PIK3C2A: variants seen among roughly 807,000 people sequenced by gnomAD.
PIK3C2A encodes the protein phosphatidylinositol 4-phosphate 3-kinase C2 domain-containing subunit alpha.
PIK3C2A carries 97 observed loss-of-function variants against 204.5 expected under a neutral mutation model. That is an observed-to-expected ratio of 0.47 (90% CI 0.40 to 0.56). PIK3C2A has a LOEUF of 0.56. Among genes scored for constraint, PIK3C2A ranks in the 20% least tolerant of loss-of-function variants. The pLI, the probability that PIK3C2A is intolerant of heterozygous loss-of-function variation, is 0.00. For synonymous variants in PIK3C2A, 653 were observed against 664.4 expected (o/e 0.98, Z 0.26); for missense variants, 1,735 against 1,969.2 (o/e 0.88, Z 2.25).
At chr11:17,179,343 A>G (rs892528424) in intron 1 of PIK3C2A, among the ~76,000 whole-genome samples, 1 of 151,440 alleles carries the variant, frequency 6.6e-6, no homozygotes, top group Non-Finnish European at 1.5e-5. Flanking sequence ...TAAATTTTTT[A>G]TAGAGACAGG....
chr11:17,168,366 G>A (rs925772543), intron 2 of PIK3C2A, among the ~76,000 whole-genome samples: 1 of 152,116 alleles, frequency 6.6e-6, no homozygotes, highest in South Asian at 2.1e-4. Context: ...TGGATCACGA[G>A]GTCAGGAGAT....
At chr11:17,207,157 A>C (rs2137601309) in intron 1 of PIK3C2A, among the ~76,000 whole-genome samples, 1 of 152,306 alleles carries the variant, frequency 6.6e-6, no homozygotes, top group East Asian at 1.9e-4. Context: ...GAGGAAAATA[A>C]GTATGTGCCT....
chr11:17,099,486 C>T lies in PIK3C2A; in HGVS notation c.4118+374G>A, dbSNP rs143434469. ...CGCTTGAACCCAGGAAGCGAGGTTG[C>T]AGTGAACTGAGATTGCACCACTGCA... is the stretch of plus-strand genomic sequence containing the variant. On this transcript the variant is annotated intron_variant, in intron 26 of 32. Transcript: ENST00000691414. 1.4e-3 allele frequency among the ~76,000 whole-genome samples: 208 copies of T among 152,230 alleles called. 2 individuals are homozygous for T. Among genetic ancestry groups the T allele is most frequent in the African/African-American group, 4.7e-3 (196 of 41,534 alleles).
chr11:17,126,797 A>G (rs1849541152), intron 13 of PIK3C2A, among the ~76,000 whole-genome samples: 1 of 152,218 alleles, frequency 6.6e-6, no homozygotes, highest in Admixed American at 6.5e-5. Context: ...TTAAATGTCT[A>G]GCAGAAGTCA....
chr11:17,111,774 G>A (rs1474413373), intron 21 of PIK3C2A, among the ~76,000 whole-genome samples: 1 of 151,560 alleles, frequency 6.6e-6, no homozygotes, highest in African/African-American at 2.4e-5. Flanking sequence ...CTACTTGGGA[G>A]GCTGAAGCAG....
At position 17,129,287 on chromosome 11, in the gene PIK3C2A, C is replaced by T. The variant is rs774366422; in HGVS notation, c.2399+13G>A. 43 of 1,608,322 alleles carry T rather than the reference C, an allele frequency of 2.7e-5. No homozygotes were observed. The highest frequency in any genetic ancestry group is 5.0e-5 in the Admixed American group (3 of 59,816). ...TCCACAGTGACTCACCATTACAATT[C>T]GGTAATACTTACCGTTTAAAGTCAA... On this transcript the variant is annotated intron_variant, in intron 13 of 32. Coordinates refer to ENST00000691414, the MANE Select transcript of PIK3C2A (RefSeq NM_002645.4).
chr11:17,172,792 A>C (rs1206691558), intron 1 of PIK3C2A, among the ~76,000 whole-genome samples: 1 of 152,056 alleles, frequency 6.6e-6, no homozygotes, highest in Non-Finnish European at 1.5e-5. Context: ...ATCAATGATT[A>C]CCCTCCACTT....
rs182878512 is a variant in PIK3C2A, at chr11:17,112,076, T to C, written c.3414+498A>G. On this transcript the variant is annotated intron_variant, in intron 21 of 32. Transcript: ENST00000691414. ...GTGGTTCAAGTAGAAGCAATCTTTATGAACCTCCACGTGTCCAACTCATTG... is the reference window on the plus strand; with the variant it reads ...GTGGTTCAAGTAGAAGCAATCTTTACGAACCTCCACGTGTCCAACTCATTG... Among the ~76,000 whole-genome samples, 5 of 152,272 alleles carry C rather than the reference T, an allele frequency of 3.3e-5. No homozygotes were observed. The East Asian group carries it at 9.6e-4, about 29-fold the overall frequency.
chr11:17,123,907 G>A (rs930579411), intron 13 of PIK3C2A, among the ~76,000 whole-genome samples: 2 of 152,052 alleles, frequency 1.3e-5, no homozygotes, highest in African/African-American at 4.8e-5. Context: ...TACAAAAGCA[G>A]AAAACTATAG....
At chr11:17,194,363 C>T (rs963903006) in intron 1 of PIK3C2A, 13 of 249,916 alleles carry the variant, frequency 5.2e-5, no homozygotes, top group East Asian at 8.0e-5. Flanking sequence ...CCCAGGCTGC[C>T]GTCTGCATGG....
intron 2 of PIK3C2A, among the ~76,000 whole-genome samples, chr11:17,158,408 C>T (rs1850671893): frequency 6.7e-6 from 1 of 149,488 alleles, no homozygotes; most frequent in South Asian, 2.1e-4. Flanking sequence ...TACAGGCATT[C>T]ATTTATATAC....
chr11:17,112,999 T>C (rs1208078855), intron 20 of PIK3C2A, among the ~76,000 whole-genome samples: 1 of 151,794 alleles, frequency 6.6e-6, no homozygotes, highest in Non-Finnish European at 1.5e-5. Context: ...ACATGAGAAT[T>C]GCTTTTTCAT....
At chr11:17,200,138 A>G (rs1429600057) in intron 1 of PIK3C2A, among the ~76,000 whole-genome samples, 1 of 152,008 alleles carries the variant, frequency 6.6e-6, no homozygotes. Context: ...GTGAGCTGAG[A>G]TCGCGCCACT....
intron 26 of PIK3C2A, among the ~76,000 whole-genome samples, chr11:17,098,017 G>A (rs1184896691): frequency 6.6e-6 from 1 of 152,126 alleles, no homozygotes; most frequent in East Asian, 1.9e-4. Flanking sequence ...GACTCCTTCA[G>A]GTAATCATAT....
At chr11:17,138,277 C>T in intron 8 of PIK3C2A, 1 of 732,060 alleles carries the variant, frequency 1.4e-6, no homozygotes, top group Non-Finnish European at 2.4e-6. Context: ...CTAGGAAAGC[C>T]TATGAGGATA....
At chr11:17,137,626 C>A (rs1045693700) in intron 8 of PIK3C2A, among the ~76,000 whole-genome samples, 1 of 151,946 alleles carries the variant, frequency 6.6e-6, no homozygotes, top group South Asian at 2.1e-4. Flanking sequence ...TCAGGCTGGT[C>A]TCAAACTCCT....
intron 8 of PIK3C2A, among the ~76,000 whole-genome samples, chr11:17,144,976 T>C (rs1344361487): frequency 1.3e-5 from 2 of 151,330 alleles, no homozygotes; most frequent in African/African-American, 2.4e-5. Context: ...ATGGGGCCTG[T>C]AGCCCCTTTG....
intron 26 of PIK3C2A, among the ~76,000 whole-genome samples, chr11:17,099,294 C>T (rs1590900914): frequency 6.6e-6 from 1 of 152,176 alleles, no homozygotes; most frequent in Non-Finnish European, 1.5e-5. Context: ...CAGCAGTGAC[C>T]AGGGTTTGCT....
chr11:17,098,303 G>A (rs1848512080), intron 26 of PIK3C2A, among the ~76,000 whole-genome samples: 1 of 152,160 alleles, frequency 6.6e-6, no homozygotes. Context: ...GTTAAATGAG[G>A]CCATAAACAG....
Sources: gnomAD v4.1 joint callset for allele counts (sites outside exome capture counted in the v4.1 genomes callset) on GRCh38, gnomAD v4.1.1 for gene constraint, MANE v1.5 for transcripts, NCBI Gene and HGNC (gene_info 2026-07-23, HGNC 2026-07-21) for gene names.